SKA2: variants seen among roughly 807,000 people sequenced by gnomAD.
SKA2 encodes the protein spindle and kinetochore associated complex subunit 2.
SKA2 carries 13 observed loss-of-function variants against 16.9 expected under a neutral mutation model. The observed-to-expected ratio is 0.77, with a 90% confidence interval of 0.50 to 1.22. The LOEUF (loss-of-function observed/expected upper bound fraction) is 1.22. SKA2 is among the 50% of genes most tolerant of loss of function. The probability of loss-of-function intolerance (pLI) is 0.00; values close to 1 mark genes in which losing one functional copy is unlikely to be tolerated. For synonymous variants in SKA2, 47 were observed against 48.5 expected (o/e 0.97, Z 0.13); for missense variants, 107 against 139.7 (o/e 0.77, Z 1.18).
chr17:59,144,728 A>G (rs1237597388), intron 1 of SKA2, among the ~76,000 whole-genome samples: 1 of 152,246 alleles, frequency 6.6e-6, no homozygotes, highest in Non-Finnish European at 1.5e-5. Flanking sequence ...TCTAAATCAT[A>G]GAGACAGATA....
intron 1 of SKA2, among the ~76,000 whole-genome samples, chr17:59,141,079 G>T (rs890723339): frequency 1.1e-4 from 16 of 151,770 alleles, no homozygotes; most frequent in African/African-American, 3.9e-4. Flanking sequence ...TTACAGGTGT[G>T]AGCCACTGCT....
chr17:59,112,502 G>C (rs1259779836), intron 3 of SKA2, among the ~76,000 whole-genome samples, 157 bp from the exon 4 acceptor site: 1 of 152,106 alleles, frequency 6.6e-6, no homozygotes, highest in East Asian at 1.9e-4. Flanking sequence ...ACAGATACTT[G>C]GCTATTTATA....
At chr17:59,116,467 A>T (rs1453920429) in intron 3 of SKA2, among the ~76,000 whole-genome samples, 1 of 152,098 alleles carries the variant, frequency 6.6e-6, no homozygotes, top group African/African-American at 2.4e-5. Context: ...AACATCCCCT[A>T]AGAAAGATTA....
chr17:59,147,896 G>A (rs1481705125), intron 1 of SKA2, among the ~76,000 whole-genome samples: 1 of 151,696 alleles, frequency 6.6e-6, no homozygotes, highest in Non-Finnish European at 1.5e-5. Flanking sequence ...AGGCAGGAGT[G>A]CAGTGATGAG....
chr17:59,134,173 T>C (rs1248154010), intron 1 of SKA2, among the ~76,000 whole-genome samples: 1 of 152,186 alleles, frequency 6.6e-6, no homozygotes, highest in Non-Finnish European at 1.5e-5. Flanking sequence ...AAAAGTACAC[T>C]AACCCATAAA....
chr17:59,113,931 A>G (rs1445871841), intron 3 of SKA2, among the ~76,000 whole-genome samples: 1 of 151,888 alleles, frequency 6.6e-6, no homozygotes, highest in Non-Finnish European at 1.5e-5. Flanking sequence ...CAATGTAAGG[A>G]CTCCATTTTT....
chr17:59,137,776 C>T (rs753027299), intron 1 of SKA2: 4 of 527,608 alleles, frequency 7.6e-6, no homozygotes, highest in East Asian at 1.1e-4. Context: ...TTGTTCTTTC[C>T]AAACACCAAA....
intron 1 of SKA2, among the ~76,000 whole-genome samples, chr17:59,139,396 C>CAAAAAAA (rs113246125): frequency 2.0e-5 from 1 of 50,334 alleles, no homozygotes; most frequent in African/African-American, 6.0e-5. Context: ...GACTCCGTCT[C>CAAAAAAA]AAAAAAAAAA....
chr17:59,135,211 C>A (rs771495689), intron 1 of SKA2, among the ~76,000 whole-genome samples: 71 of 151,308 alleles, frequency 4.7e-4, no homozygotes, highest in South Asian at 6.2e-4. Flanking sequence ...TCAAATGGTA[C>A]CAAAAAGAGG....
chr17:59,133,512 A>G (rs371253007), intron 1 of SKA2, among the ~76,000 whole-genome samples: 1 of 152,208 alleles, frequency 6.6e-6, no homozygotes, highest in South Asian at 2.1e-4. Context: ...ACTGAACTAA[A>G]GATTGATTCT....
intron 2 of SKA2, among the ~76,000 whole-genome samples, chr17:59,123,021 C>CAAAAAAAAAAAAAAA (rs1197154280): frequency 1.6e-4 from 8 of 48,886 alleles, no homozygotes; most frequent in East Asian, 6.3e-4. Flanking sequence ...AACCTTGTCT[C>CAAAAAAAAAAAAAAA]AAAAAAAAAA....
chr17:59,149,863 G>C (rs947439336), intron 1 of SKA2, among the ~76,000 whole-genome samples: 8 of 152,142 alleles, frequency 5.3e-5, no homozygotes, highest in African/African-American at 1.9e-4. Context: ...GGTTGCCAGG[G>C]ACTTGGGGAA....
Position 59,123,559 on chromosome 17 carries a change from G to GA in SKA2, c.121-4065dup, listed in dbSNP as rs749384512. On this transcript the variant is annotated intron_variant, in intron 2 of 3. Coordinates refer to ENST00000330137, the MANE Select transcript of SKA2 (RefSeq NM_182620.4). The stretch of plus-strand genomic sequence containing the variant: ...GCAACAGAGCAAGACTCTGTCTCAG[G>GA]AAAAAAAAAAAAAAAAGTTAGAATC... Among the ~76,000 whole-genome samples the GA allele has an allele frequency of 3.3e-3, 414 of 126,498 alleles. 1 individual carries two copies. Among genetic ancestry groups the GA allele is most frequent in the Middle Eastern group, 7.9e-3 (2 of 254 alleles). The allele number at this position is 126,498 out of a possible 152,430, so 83.0% of individuals were successfully genotyped here. A position where few individuals can be genotyped will look rare whatever the true frequency, so the allele number is the denominator to read the frequency against.
At position 59,151,371 on chromosome 17, in the gene SKA2, A is replaced by C. The variant is rs1314209377; in HGVS notation, c.33+3760T>G. 4 of 398,836 alleles carry C rather than the reference A, an allele frequency of 1.0e-5. No individual in the cohort carries two copies. In the East Asian group the frequency reaches 3.0e-4, roughly 30 times the overall value. 24.7% of individuals were successfully genotyped at this position (398,836 alleles called of 1,614,324 possible). Reference sequence around the variant, plus strand: ...GTTTTTTTAAAAAAGGATAAGACTTAAATATCAAAGTGATGTTGCTTATTG... The same window carrying C: ...GTTTTTTTAAAAAAGGATAAGACTTCAATATCAAAGTGATGTTGCTTATTG... On this transcript the variant is annotated intron_variant, in intron 1 of 3. Transcript: ENST00000330137.
At chr17:59,151,138 T>C in intron 1 of SKA2, 1 of 505,198 alleles carries the variant, frequency 2.0e-6, no homozygotes, top group Non-Finnish European at 4.1e-6. Context: ...GCGTGCATCC[T>C]GCTTTCAGAT....
chr17:59,125,684 C>CAA (rs201568121), intron 2 of SKA2, among the ~76,000 whole-genome samples: 36 of 82,706 alleles, frequency 4.4e-4, no homozygotes, highest in African/African-American at 1.7e-3. Flanking sequence ...ACTCCGTCTC[C>CAA]AAAAAAAAAA....
Position 59,155,130 on chromosome 17 carries a change from C to A in SKA2, c.33+1G>T, listed in dbSNP as rs1475563171. The A allele has an allele frequency of 6.2e-7, 1 of 1,614,038 alleles. No individual in the cohort carries two copies. Among genetic ancestry groups the A allele is most frequent in the Non-Finnish European group, 8.5e-7 (1 of 1,179,900 alleles). ...GTAGATCTCCTTCACTTTGCACTCA[C>A]CATCAGTTCCAGCTTATCGACCTCC... is the stretch of plus-strand genomic sequence containing the variant. On this transcript the variant is annotated splice_donor_variant, in intron 1 of 3. Transcript: ENST00000330137. LOFTEE classifies it high-confidence loss of function.
At chr17:59,140,025 G>T (rs935914814) in intron 1 of SKA2, among the ~76,000 whole-genome samples, 5 of 152,102 alleles carry the variant, frequency 3.3e-5, no homozygotes, top group African/African-American at 1.2e-4. Flanking sequence ...ATCAAAATTG[G>T]TTTTTGCCTT....
intron 3 of SKA2, among the ~76,000 whole-genome samples, chr17:59,115,671 G>A (rs985953031): frequency 6.6e-6 from 1 of 152,186 alleles, no homozygotes; most frequent in African/African-American, 2.4e-5. Flanking sequence ...ATAGCTCACT[G>A]CAACCTCTAA....
Sources: allele counts gnomAD v4.1 joint callset (sites outside exome capture counted in the v4.1 genomes callset), GRCh38; gene constraint gnomAD v4.1.1; transcripts MANE v1.5; gene names NCBI Gene and HGNC (gene_info 2026-07-23, HGNC 2026-07-21).